The following DEUP1 variants were observed in gnomAD, a reference collection of about 807,000 sequenced individuals.
DEUP1 encodes the protein deuterosome assembly protein 1, also known as coiled-coil domain containing 67.
In DEUP1, 82 loss-of-function variants were observed where a neutral mutation model predicts 87.4. The observed-to-expected ratio is 0.94, with a 90% CI of 0.78 to 1.13. DEUP1 has a LOEUF of 1.13. DEUP1 is among the 50% of genes most tolerant of loss of function. The probability of loss-of-function intolerance (pLI) is 0.00; values close to 1 mark genes in which losing one functional copy is unlikely to be tolerated. For missense variants in DEUP1, 663 were observed against 681.5 expected (o/e 0.97, Z 0.30); for synonymous variants, 214 against 222.7 (o/e 0.96, Z 0.35).
intron 12 of DEUP1, among the ~76,000 whole-genome samples, chr11:93,414,454 C>A (rs1353791585): frequency 6.6e-6 from 1 of 152,108 alleles, no homozygotes; most frequent in Non-Finnish European, 1.5e-5. Flanking sequence ...TTGCAGTGAG[C>A]TGCGATCGCG....
intron 2 of DEUP1, among the ~76,000 whole-genome samples, chr11:93,342,459 G>A (rs1014659153): frequency 6.6e-6 from 1 of 152,232 alleles, no homozygotes; most frequent in African/African-American, 2.4e-5. Context: ...TGAGGCAAAG[G>A]AATGCAAGTT....
intron 12 of DEUP1, among the ~76,000 whole-genome samples, chr11:93,410,022 A>G (rs1249757159): frequency 1.3e-5 from 2 of 152,134 alleles, no homozygotes; most frequent in East Asian, 1.9e-4. Flanking sequence ...CTCTACAGGT[A>G]GATAAATCCG....
intron 2 of DEUP1, among the ~76,000 whole-genome samples, chr11:93,335,291 A>C (rs575157208): frequency 6.6e-6 from 1 of 152,270 alleles, no homozygotes; most frequent in Non-Finnish European, 1.5e-5. Flanking sequence ...TTTCACTAAG[A>C]TTATTCTTGT....
Position 93,415,028 on chromosome 11 carries a change from A to T in DEUP1, c.1552A>T (p.Ser518Cys). The T allele has an allele frequency of 6.3e-7, 1 of 1,595,134 alleles. No homozygotes were observed. The highest frequency in any genetic ancestry group is 8.5e-7 in the Non-Finnish European group (1 of 1,173,508). Residue 518 changes from serine to cysteine, a missense_variant, in exon 13 of 14, where the codon AGT becomes TGT. Ser to Cys is a moderately radical substitution (Grantham distance 112, BLOSUM62 -1). Transcript: ENST00000298050. ...RLSHDCEPNR[S>C]TMPPLPPSTF... ...TAGTCATGACTGTGAGCCAAACAGAAGTACAATGCCTCCCTTGCCACCTTC... is the reference window on the plus strand; with the variant it reads ...TAGTCATGACTGTGAGCCAAACAGATGTACAATGCCTCCCTTGCCACCTTC...
At chr11:93,393,249 C>A (rs1423782504) in intron 9 of DEUP1, among the ~76,000 whole-genome samples, 1 of 151,988 alleles carries the variant, frequency 6.6e-6, no homozygotes, top group Non-Finnish European at 1.5e-5. Context: ...GCACATGCCA[C>A]CACACCCGGC....
At chr11:93,358,282 A>T (rs574447339) in intron 4 of DEUP1, among the ~76,000 whole-genome samples, 1 of 152,326 alleles carries the variant, frequency 6.6e-6, no homozygotes, top group South Asian at 2.1e-4. Context: ...TAATATATGA[A>T]TCCTTGCCAT....
At chr11:93,339,171 T>C (rs1943929118) in intron 2 of DEUP1, among the ~76,000 whole-genome samples, 1 of 152,246 alleles carries the variant, frequency 6.6e-6, no homozygotes, top group African/African-American at 2.4e-5. Flanking sequence ...CTTCTTATAA[T>C]AGAAAGTGTT....
At chr11:93,385,252 T>G in intron 7 of DEUP1, 146 bp from the exon 8 acceptor site, 1 of 737,848 alleles carries the variant, frequency 1.4e-6, no homozygotes, top group Non-Finnish European at 2.2e-6. Flanking sequence ...AATGAAGGAA[T>G]GGAATTCTAT....
chr11:93,370,288 G>A (rs1258290313), intron 6 of DEUP1, 102 bp downstream of exon 6: 3 of 539,924 alleles, frequency 5.6e-6, no homozygotes, highest in Admixed American at 4.9e-5. Context: ...TGCCAACTAA[G>A]AAAAAACGAG....
chr11:93,353,465 G>C (rs1944732096), intron 2 of DEUP1, among the ~76,000 whole-genome samples: 1 of 152,148 alleles, frequency 6.6e-6, no homozygotes, highest in Non-Finnish European at 1.5e-5. Flanking sequence ...GGAGGACAGT[G>C]GCCTCTTCTC....
intron 3 of DEUP1, 66 bp downstream of exon 3, chr11:93,355,608 A>C: frequency 7.3e-7 from 1 of 1,362,016 alleles, no homozygotes; most frequent in Non-Finnish European, 9.9e-7. Context: ...TTCTATCAGA[A>C]TATGTTTTTA....
chr11:93,351,201 C>T (rs962933356), intron 2 of DEUP1, among the ~76,000 whole-genome samples: 2 of 151,922 alleles, frequency 1.3e-5, no homozygotes, highest in African/African-American at 4.8e-5. Context: ...AACATTCTAA[C>T]TTCTGCATAG....
chr11:93,340,053 A>G (rs969407218), intron 2 of DEUP1, among the ~76,000 whole-genome samples: 1 of 152,234 alleles, frequency 6.6e-6, no homozygotes. Context: ...TGGGAAATTT[A>G]GAGCTGATAC....
rs1945620210 is a variant in DEUP1 at position 93,369,824 on chromosome 11, G to A, written c.433-249G>A. 4.6e-5 allele frequency among the ~76,000 whole-genome samples: 2 copies of A among 43,236 alleles called. 1 individual carries two copies. Among genetic ancestry groups the A allele is most frequent in the Admixed American group, 6.4e-4 (2 of 3,132 alleles). 28.4% of individuals were successfully genotyped at this position (43,236 alleles called of 152,430 possible). A position where few individuals can be genotyped will look rare whatever the true frequency, so the allele number is the denominator to read the frequency against. On this transcript the variant is annotated intron_variant, in intron 5 of 13. Transcript: ENST00000298050. Reference sequence around the variant, plus strand: ...CGGGCGCCTGTAGTCCCAGCTTCTCGGGAGGCTGAGGCAGGAGAATGGCGT... The same window carrying A: ...CGGGCGCCTGTAGTCCCAGCTTCTCAGGAGGCTGAGGCAGGAGAATGGCGT...
intron 2 of DEUP1, chr11:93,352,499 T>C: frequency 3.0e-6 from 2 of 658,088 alleles, no homozygotes; most frequent in Non-Finnish European, 5.5e-6. Flanking sequence ...TAAACCCTCC[T>C]GGACCCAAGA....
intron 7 of DEUP1, among the ~76,000 whole-genome samples, chr11:93,375,472 T>A (rs533655796): frequency 1.3e-5 from 2 of 152,334 alleles, no homozygotes; most frequent in South Asian, 4.1e-4. Flanking sequence ...ATGCCAATTT[T>A]GCTGAGGGTT....
rs1267016829 is a variant in DEUP1 at position 93,383,588 on chromosome 11, C to T, written c.790-1810C>T. 19 of 668,048 alleles carry T rather than the reference C, an allele frequency of 2.8e-5. No homozygotes were observed. The East Asian group carries it at 5.3e-4, about 18-fold the overall frequency. 41.4% of individuals were successfully genotyped at this position (668,048 alleles called of 1,614,324 possible). ...CTAAATTGAAAACTGCTGGATTGTA[C>T]ACTTTAAATGGGCGAATTTATGGTA... On this transcript the variant is annotated intron_variant, in intron 7 of 13. Transcript: ENST00000298050.
chr11:93,398,590 C>T (rs896235437), intron 11 of DEUP1, among the ~76,000 whole-genome samples: 1 of 152,016 alleles, frequency 6.6e-6, no homozygotes, highest in African/African-American at 2.4e-5. Flanking sequence ...TTCTCAATAG[C>T]TCTTTAATTT....
intron 13 of DEUP1, among the ~76,000 whole-genome samples, chr11:93,433,709 G>A (rs1475106942): frequency 6.6e-6 from 1 of 152,202 alleles, no homozygotes; most frequent in Non-Finnish European, 1.5e-5. Flanking sequence ...TTGTGAAAGC[G>A]ATTTACCGAG....
Sources: allele counts gnomAD v4.1 joint callset (sites outside exome capture counted in the v4.1 genomes callset), GRCh38; gene constraint gnomAD v4.1.1; transcripts MANE v1.5; gene names NCBI Gene and HGNC (gene_info 2026-07-23, HGNC 2026-07-21).